MGAT5: variants seen among roughly 807,000 people sequenced by gnomAD.
The protein encoded by MGAT5 is alpha-1,6-mannosylglycoprotein 6-beta-N-acetylglucosaminyltransferase.
Under a neutral mutation model 94.3 loss-of-function variants are expected in MGAT5, and 30 were observed. The ratio of observed to expected loss-of-function variants is 0.32; its 90% CI spans 0.24 to 0.43. The LOEUF is 0.43. Among genes scored for constraint, MGAT5 ranks in the 20% least tolerant of loss-of-function variants. MGAT5 has a pLI of 1.00. For missense variants in MGAT5, 691 were observed against 905.5 expected (o/e 0.76, Z 3.04); for synonymous variants, 310 against 322.9 (o/e 0.96, Z 0.43).
At chr2:134,193,994 T>C (rs927210143) in intron 1 of MGAT5, among the ~76,000 whole-genome samples, 17 of 152,218 alleles carry the variant, frequency 1.1e-4, no homozygotes, top group African/African-American at 4.1e-4. Context: ...CAGATGGTAT[T>C]GCACCTCCTA....
intron 2 of MGAT5, among the ~76,000 whole-genome samples, chr2:134,305,504 TTTC>T (rs1449622092): frequency 1.3e-5 from 2 of 152,196 alleles, no homozygotes; most frequent in South Asian, 2.1e-4. Flanking sequence ...CCATATTTCT[TTTC>T]TTCTTCAGTT....
At chr2:134,397,175 T>C (rs1207701554) in intron 10 of MGAT5, among the ~76,000 whole-genome samples, 1 of 152,104 alleles carries the variant, frequency 6.6e-6, no homozygotes, top group Non-Finnish European at 1.5e-5. Flanking sequence ...AACAAAACTT[T>C]GAGTTTTGGA....
intron 1 of MGAT5, among the ~76,000 whole-genome samples, chr2:134,260,639 G>T (rs1683265791): frequency 6.6e-6 from 1 of 150,994 alleles, no homozygotes; most frequent in Non-Finnish European, 1.5e-5. Flanking sequence ...TTTTTTTTGT[G>T]TCTCTCTTCC....
At chr2:134,130,162 G>A (rs191956362) in intron 1 of MGAT5, among the ~76,000 whole-genome samples, 1,921 of 151,472 alleles carry the variant, frequency 0.013, 48 homozygotes, top group African/African-American at 0.042. Flanking sequence ...TCTTCCCGCG[G>A]GGCAGGGCTG....
chr2:134,294,442 A>C (rs1685551256), intron 2 of MGAT5, among the ~76,000 whole-genome samples: 1 of 152,204 alleles, frequency 6.6e-6, no homozygotes, highest in African/African-American at 2.4e-5. Flanking sequence ...TTAGAAATAC[A>C]TACAGTCTAA....
chr2:134,441,800 C>T lies in MGAT5; in HGVS notation c.1912C>T (p.Leu638=). ...AGTGATGTGGCCACCCCTCAGCGCC[C>T]TACAGGTCAAGCTTGCTGAGCCCGG... ...GQVMWPPLSA[L]QVKLAEPGQS... is the part of the protein sequence containing the mutation. Residue 638 remains leucine, a synonymous_variant, in exon 15 of 16, where the codon CTA becomes TTA. Coordinates refer to ENST00000281923, the MANE Select transcript of MGAT5 (RefSeq NM_002410.5). The T allele has an allele frequency of 6.2e-7, 1 of 1,614,122 alleles. No homozygotes were observed. Among genetic ancestry groups the T allele is most frequent in the Non-Finnish European group, 8.5e-7 (1 of 1,179,986 alleles).
chr2:134,159,932 C>T (rs559601026), intron 1 of MGAT5, among the ~76,000 whole-genome samples: 2 of 152,294 alleles, frequency 1.3e-5, no homozygotes, highest in Admixed American at 6.5e-5. Context: ...GGGATTCTAA[C>T]ATCCTTTTCC....
At position 134,214,952 on chromosome 2, in the gene MGAT5, C is replaced by G. The variant is rs951957954; in HGVS notation, c.-142-39310C>G. 5.9e-5 allele frequency among the ~76,000 whole-genome samples: 9 copies of G among 152,320 alleles called. No individual in the cohort carries two copies. In the South Asian group the frequency reaches 1.0e-3, roughly 18 times the overall value. On this transcript the variant is annotated intron_variant, in intron 1 of 16. Coordinates refer to the MGAT5 transcript ENST00000409645. The stretch of plus-strand genomic sequence containing the variant: ...GCCTTCAGAAGCCCCCTCATGTCCT[C>G]TCTTCCAGCTTCTACCTCTACAATC...
At chr2:134,345,848 T>G (rs1303630323) in intron 8 of MGAT5, among the ~76,000 whole-genome samples, 1 of 152,160 alleles carries the variant, frequency 6.6e-6, no homozygotes, top group Non-Finnish European at 1.5e-5. Context: ...TATTCTGAAT[T>G]GTAAAATATT....
At chr2:134,133,866 T>TG (rs946883208) in intron 1 of MGAT5, among the ~76,000 whole-genome samples, 3 of 152,166 alleles carry the variant, frequency 2.0e-5, no homozygotes, top group Admixed American at 2.0e-4. Context: ...CGTTCCTCTG[T>TG]GGGGGTCTTC....
At chr2:134,375,266 A>G (rs979480794) in intron 10 of MGAT5, among the ~76,000 whole-genome samples, 2 of 152,226 alleles carry the variant, frequency 1.3e-5, no homozygotes, top group African/African-American at 2.4e-5. Context: ...TTTGAATTAC[A>G]TCATGTATTG....
rs891141199 is a variant in MGAT5, at chr2:134,341,718, C to T, written c.936C>T (p.Gly312=). 45 of 1,611,944 alleles carry T rather than the reference C, an allele frequency of 2.8e-5. No individual in the cohort carries two copies. The highest frequency in any genetic ancestry group is 3.7e-5 in the Non-Finnish European group (44 of 1,179,056). Residue 312 remains glycine (G), a synonymous_variant, in exon 7 of 16, where the codon GGC becomes GGT. Transcript: ENST00000281923. The stretch of plus-strand genomic sequence containing the variant: ...TAATTACATCTCTGTACTTACTGGG[C>T]CATGACATTAGGATTTCAGCTTCAC... ...SDLITSLYLL[G]HDIRISASLA... is the part of the protein sequence containing the mutation.
chr2:134,412,724 A>ACC, intron 11 of MGAT5, 145 bp from the exon 12 acceptor site: 1 of 974,602 alleles, frequency 1.0e-6, no homozygotes, highest in East Asian at 2.4e-5. Flanking sequence ...TCTCTGCCCC[A>ACC]CCCCCCAGGG....
chr2:134,132,301 T>G (rs1230670293), intron 1 of MGAT5, among the ~76,000 whole-genome samples: 1 of 152,218 alleles, frequency 6.6e-6, no homozygotes, highest in East Asian at 1.9e-4. Flanking sequence ...AACAGACTAG[T>G]TTTCCTTTCT....
intron 1 of MGAT5, among the ~76,000 whole-genome samples, chr2:134,188,462 G>A (rs1432373115): frequency 6.6e-6 from 1 of 152,236 alleles, no homozygotes; most frequent in Non-Finnish European, 1.5e-5. Context: ...TATCCTATGA[G>A]GTTGCTGTGA....
intron 2 of MGAT5, among the ~76,000 whole-genome samples, chr2:134,274,148 T>C (rs1684199926): frequency 6.6e-6 from 1 of 152,244 alleles, no homozygotes; most frequent in African/African-American, 2.4e-5. Context: ...AATGCTTGCC[T>C]TCTAAGGACT....
chr2:134,192,351 TG>T (rs527957741), intron 1 of MGAT5, among the ~76,000 whole-genome samples: 160 of 152,282 alleles, frequency 1.1e-3, no homozygotes, highest in Middle Eastern at 0.01. Context: ...CCCTTGAACT[TG>T]GGCTTTCGCA....
At chr2:134,243,552 A>T (rs1270834407) in intron 1 of MGAT5, among the ~76,000 whole-genome samples, 5 of 152,152 alleles carry the variant, frequency 3.3e-5, no homozygotes, top group Non-Finnish European at 1.5e-5. Flanking sequence ...TCAGACCTTG[A>T]CTTTTATGAC....
chr2:134,397,957 G>A (rs996004016), intron 10 of MGAT5, among the ~76,000 whole-genome samples: 1 of 152,164 alleles, frequency 6.6e-6, no homozygotes, highest in African/African-American at 2.4e-5. Flanking sequence ...TGCATACTCT[G>A]TGGCCTTGTG....
Sources: gnomAD v4.1 joint callset for allele counts (sites outside exome capture counted in the v4.1 genomes callset) on GRCh38, gnomAD v4.1.1 for gene constraint, MANE v1.5 for transcripts, NCBI Gene and HGNC (gene_info 2026-07-23, HGNC 2026-07-21) for gene names.